KLHL13: variants seen among roughly 807,000 people sequenced by gnomAD.
The protein encoded by KLHL13 is kelch like family member 13, also known as kelch-like protein 13.
In KLHL13, 10 loss-of-function variants were observed where a neutral mutation model predicts 37.1. That is an observed-to-expected ratio of 0.27 (90% CI 0.17 to 0.46). The LOEUF (loss-of-function observed/expected upper bound fraction) is 0.46. Ranked by LOEUF, KLHL13 falls within the 20% of genes least tolerant of loss-of-function variation. KLHL13 has a pLI of 1.00. For missense variants in KLHL13, 360 were observed against 509.3 expected, an observed-to-expected ratio of 0.71 and a Z score of 2.82; for synonymous variants, 163 against 181.2, an observed-to-expected ratio of 0.90 and a Z score of 0.81.
intron 1 of KLHL13, among the ~76,000 whole-genome samples, chrX:118,079,989 C>A (rs948661956): frequency 1.4e-4 from 16 of 111,431 alleles, no homozygotes; most frequent in Middle Eastern, 4.2e-3. Context: ...CACCTACAAC[C>A]ATCAGATCTT....
At chrX:117,996,226 T>C (rs757132808) in intron 1 of KLHL13, among the ~76,000 whole-genome samples, 50 of 112,231 alleles carry the variant, frequency 4.5e-4, no homozygotes, top group Admixed American at 8.5e-4. Flanking sequence ...AAATTTCAAA[T>C]ACTTTCATCA....
chrX:118,084,156 C>T (rs777937770), intron 1 of KLHL13, among the ~76,000 whole-genome samples: 1 of 80,743 alleles, frequency 1.2e-5, no homozygotes, highest in African/African-American at 4.5e-5. Flanking sequence ...TCTGTCTCTA[C>T]AAAAAAAAAA....
chrX:118,014,770 T>C (rs933974803), intron 1 of KLHL13, among the ~76,000 whole-genome samples: 1 of 112,190 alleles, frequency 8.9e-6, no homozygotes, highest in African/African-American at 3.2e-5. Context: ...AGAACCTACA[T>C]TGAAATATTG....
intron 1 of KLHL13, among the ~76,000 whole-genome samples, chrX:118,104,948 T>C (rs889096562): frequency 1.8e-5 from 2 of 112,478 alleles, no homozygotes; most frequent in Admixed American, 9.4e-5. Flanking sequence ...CACAGGATTG[T>C]GAAGTCAAAA....
intron 6 of KLHL13, among the ~76,000 whole-genome samples, chrX:117,900,325 C>T (rs1930007278): frequency 8.9e-6 from 1 of 112,016 alleles, no homozygotes; most frequent in African/African-American, 3.2e-5. Context: ...TACAGAATTC[C>T]CAGAAAGCAA....
intron 1 of KLHL13, chrX:117,947,738 A>C (rs1933391523): frequency 9.0e-6 from 1 of 111,542 alleles, no homozygotes; most frequent in African/African-American, 3.3e-5. Context: ...CTCCCTACTA[A>C]TTTCTGCTTT....
At position 118,020,298 on chromosome X, in the gene KLHL13, T is replaced by C. The variant is rs189718284; in HGVS notation, c.-55-74723A>G. Among the ~76,000 whole-genome samples, 169 of 111,804 alleles carry C rather than the reference T, an allele frequency of 1.5e-3. 2 individuals carry two copies. The highest frequency in any genetic ancestry group is 5.3e-3 in the African/African-American group (164 of 30,729). ...CTCATGATTTGGCTCTTTGTTTGTCTGTTGTTGGTGTATAAGAATACTTGT... is the reference window on the plus strand; with the variant it reads ...CTCATGATTTGGCTCTTTGTTTGTCCGTTGTTGGTGTATAAGAATACTTGT... On this transcript the variant is annotated intron_variant, in intron 1 of 6. Transcript: ENST00000371882.
intron 1 of KLHL13, among the ~76,000 whole-genome samples, chrX:118,031,787 T>C (rs2054352335): frequency 1.9e-5 from 2 of 105,934 alleles, no homozygotes; most frequent in Admixed American, 1.1e-4. Flanking sequence ...CCAGCGTGAG[T>C]GACGCAGAAG....
chrX:118,026,173 C>G (rs745695793), intron 1 of KLHL13, among the ~76,000 whole-genome samples: 2 of 111,531 alleles, frequency 1.8e-5, no homozygotes, highest in Non-Finnish European at 3.8e-5. Context: ...CTCAACCTTT[C>G]CTACGTTTTC....
chrX:118,056,062 C>T (rs1303190199), intron 1 of KLHL13, among the ~76,000 whole-genome samples: 2 of 111,127 alleles, frequency 1.8e-5, no homozygotes, highest in Non-Finnish European at 3.8e-5. Flanking sequence ...TGAGCTTGTA[C>T]GTAGAAAATC....
chrX:118,036,638 C>A (rs779047401), intron 1 of KLHL13, among the ~76,000 whole-genome samples: 2 of 111,589 alleles, frequency 1.8e-5, no homozygotes, highest in East Asian at 5.6e-4. Flanking sequence ...ACCATAAAAA[C>A]CCTAGAAGAA....
intron 2 of KLHL13, among the ~76,000 whole-genome samples, chrX:117,930,274 A>C (rs188089586): frequency 0.028 from 2,563 of 90,734 alleles, 56 homozygotes; most frequent in African/African-American, 0.062. Flanking sequence ...GGAAGGAAGG[A>C]AGGAAGGAAG....
intron 1 of KLHL13, among the ~76,000 whole-genome samples, chrX:118,065,180 T>C (rs1247476019): frequency 8.9e-6 from 1 of 112,009 alleles, no homozygotes; most frequent in Non-Finnish European, 1.9e-5. Flanking sequence ...AATAAAAGAA[T>C]AGTCATCCTT....
chrX:118,086,162 C>G (rs2055052390), intron 1 of KLHL13, among the ~76,000 whole-genome samples: 1 of 111,520 alleles, frequency 9.0e-6, no homozygotes, highest in African/African-American at 3.3e-5. Flanking sequence ...GCCTTGAACT[C>G]CTGCCATCAA....
upstream of KLHL13, chrX:118,116,971 G>A (rs1437610164): frequency 8.9e-6 from 1 of 111,797 alleles, no homozygotes; most frequent in Middle Eastern, 4.2e-3. Flanking sequence ...ACGGTGTGTG[G>A]GGTCCGAACG....
In KLHL13 at chrX:118,085,796, G is replaced by GGTGTGTGT. The variant is rs4025518; in HGVS notation, c.-56+30704_-56+30711dup. 4.2e-3 allele frequency among the ~76,000 whole-genome samples: 363 copies of GGTGTGTGT among 85,608 alleles called. 2 individuals are homozygous for GGTGTGTGT. Among genetic ancestry groups the GGTGTGTGT allele is most frequent in the East Asian group, 0.014 (35 of 2,470 alleles). 74.3% of individuals were successfully genotyped at this position (85,608 alleles called of 115,157 possible). A position where few individuals can be genotyped will look rare whatever the true frequency, so the allele number is the denominator to read the frequency against. ...TTTTTATGGCAGAGTAATATTCCAT[G>GGTGTGTGT]GTGTGTGTGTGTGTGTGTGTGTGTG... On this transcript the variant is annotated intron_variant, in intron 1 of 6. Coordinates refer to the KLHL13 transcript ENST00000371882.
At chrX:118,094,514 C>T (rs917261231) in intron 1 of KLHL13, among the ~76,000 whole-genome samples, 1 of 111,023 alleles carries the variant, frequency 9.0e-6, no homozygotes, top group Non-Finnish European at 1.9e-5. Context: ...GGCAGGCCAA[C>T]ATTCAGATTC....
At chrX:117,967,976 A>C (rs764290591) in intron 1 of KLHL13, among the ~76,000 whole-genome samples, 2 of 111,603 alleles carry the variant, frequency 1.8e-5, no homozygotes, top group Non-Finnish European at 3.8e-5. Flanking sequence ...CTTTAAGACA[A>C]GCAGAGATTC....
At position 118,013,705 on chromosome X, in the gene KLHL13, G is replaced by T. The variant is rs150700481; in HGVS notation, c.-55-68130C>A. Among the ~76,000 whole-genome samples the T allele has an allele frequency of 1.5e-3, 171 of 112,264 alleles. 2 individuals are homozygous for T. The highest frequency in any genetic ancestry group is 5.4e-3 in the African/African-American group (166 of 30,971). ...AAAAAGATAAATTATAACAGATATGGAAGGCACTACTACAACTAATACCCC... is the reference window on the plus strand; with the variant it reads ...AAAAAGATAAATTATAACAGATATGTAAGGCACTACTACAACTAATACCCC... On this transcript the variant is annotated intron_variant, in intron 1 of 6. Transcript: ENST00000371882.
Sources: allele counts gnomAD v4.1 joint callset (sites outside exome capture counted in the v4.1 genomes callset), GRCh38; gene constraint gnomAD v4.1.1; transcripts MANE v1.5; gene names NCBI Gene and HGNC (gene_info 2026-07-23, HGNC 2026-07-21).